The following ATG4A variants were observed in gnomAD, a reference collection of about 807,000 sequenced individuals.
ATG4A encodes cysteine protease ATG4A.
A neutral mutation model predicts 38.4 loss-of-function variants in ATG4A; 22 were observed. The ratio of observed to expected loss-of-function variants is 0.57; its 90% CI spans 0.41 to 0.82. The LOEUF is 0.82. ATG4A is among the 40% of genes least tolerant of loss of function. The pLI is 0.00. For missense variants in ATG4A, 220 were observed against 290.0 expected, an observed-to-expected ratio of 0.76 and a Z score of 1.75; for synonymous variants, 86 against 100.7, an observed-to-expected ratio of 0.85 and a Z score of 0.88.
intron 9 of ATG4A, among the ~76,000 whole-genome samples, chrX:108,145,529 C>T (rs888150924): frequency 8.0e-5 from 9 of 112,450 alleles, no homozygotes; most frequent in Non-Finnish European, 1.7e-4. Context: ...GTTAAGCTTA[C>T]AATAATCCAC....
intron 1 of ATG4A, among the ~76,000 whole-genome samples, chrX:108,124,754 C>G (rs776728885): frequency 8.9e-6 from 1 of 111,807 alleles, no homozygotes; most frequent in Non-Finnish European, 1.9e-5. Flanking sequence ...AGAACAGACT[C>G]ATTTTTTTTT....
At chrX:108,130,432 G>A (rs1184405836) in intron 3 of ATG4A, among the ~76,000 whole-genome samples, 1 of 112,305 alleles carries the variant, frequency 8.9e-6, no homozygotes, top group South Asian at 3.7e-4. Context: ...TTTGCATAAG[G>A]TGTTCTTAAA....
At chrX:108,091,687 A>G (rs2031626057), upstream of ATG4A, 1 of 938,791 alleles carries the variant, frequency 1.1e-6, no homozygotes, top group Admixed American at 2.3e-5. Context: ...GTTTGAGAGC[A>G]GTTCCGGGCA....
intron 1 of ATG4A, among the ~76,000 whole-genome samples, chrX:108,094,761 G>A (rs2031751464): frequency 8.9e-6 from 1 of 111,988 alleles, no homozygotes; most frequent in African/African-American, 3.2e-5. Flanking sequence ...GCATTATGTG[G>A]CAGGTTAATC....
intron 1 of ATG4A, among the ~76,000 whole-genome samples, chrX:108,094,929 T>C (rs1343872784): frequency 8.9e-6 from 1 of 112,435 alleles, no homozygotes; most frequent in Non-Finnish European, 1.9e-5. Context: ...CTTATGGAAA[T>C]AGATATCTTG....
chrX:108,149,073 A>G, intron 9 of ATG4A, among the ~76,000 whole-genome samples: 1 of 112,947 alleles, frequency 8.9e-6, no homozygotes. Context: ...TTGGTTTATG[A>G]CAGAAAAATG....
chrX:108,117,527 G>T (rs1198557644), intron 1 of ATG4A, among the ~76,000 whole-genome samples: 1 of 111,789 alleles, frequency 8.9e-6, no homozygotes, highest in East Asian at 2.8e-4. Flanking sequence ...TCCGTATCAT[G>T]TGTTTTATTT....
intron 9 of ATG4A, among the ~76,000 whole-genome samples, chrX:108,141,071 CATATATATATATATATATATATATATAT>C (rs139918190): frequency 2.3e-4 from 8 of 35,066 alleles, no homozygotes; most frequent in African/African-American, 3.8e-4. Context: ...TATATATATA[CATATATATATATATATATATATATATAT>C]ATATATATAT....
intron 1 of ATG4A, among the ~76,000 whole-genome samples, chrX:108,120,128 C>T (rs974347281): frequency 8.9e-6 from 1 of 112,156 alleles, no homozygotes; most frequent in African/African-American, 3.2e-5. Flanking sequence ...GAAAAAGGTG[C>T]CTCTAGTCTT....
At chrX:108,091,264 G>A, upstream of ATG4A, 25 of 520,327 alleles carry the variant, frequency 4.8e-5, no homozygotes, top group South Asian at 6.7e-4. Context: ...CGAGTCCCGA[G>A]GTGACCCAGG....
chrX:108,134,038 A>ATTT lies in ATG4A; in HGVS notation c.293-12_293-10dup. 1 of 1,115,567 alleles carries ATTT rather than the reference A, an allele frequency of 9.0e-7. No individual in the cohort carries two copies. The allele number at this position is 1,115,567 out of a possible 1,213,427, so 91.9% of individuals were successfully genotyped here. A position where few individuals can be genotyped will look rare whatever the true frequency, so the allele number is the denominator to read the frequency against. On this transcript the variant is annotated intron_variant, in intron 4 of 12. Transcript: ENST00000372232. Reference sequence around the variant, plus strand: ...ACAGTTATAAAAATGTTTCTAACCCATTTTTTTTTCTTAAAAAGACTGGAG... The same window carrying ATTT: ...ACAGTTATAAAAATGTTTCTAACCCATTTTTTTTTTTTCTTAAAAAGACTGGAG...
intron 3 of ATG4A, among the ~76,000 whole-genome samples, chrX:108,129,646 T>C (rs1307222997): frequency 9.5e-6 from 1 of 105,787 alleles, no homozygotes; most frequent in South Asian, 4.4e-4. Context: ...TCTCGGCTCA[T>C]TGCAAGCTCC....
Position 108,151,814 on chromosome X carries a change from AAAG to A in ATG4A, c.979_981del (p.Glu327del). 1 of 1,208,904 alleles carries A rather than the reference AAAG, an allele frequency of 8.3e-7. No homozygotes were observed. Among genetic ancestry groups the A allele is most frequent in the Non-Finnish European group, 1.1e-6 (1 of 893,280 alleles). On this transcript the variant is annotated inframe_deletion, in exon 11 of 13. Transcript: ENST00000372232. ...GCTTTCCCCCAAGGGATTTTTCTGC[AAAG>A]AAGAAAAAGACTTTGATAACTGGTG...
chrX:108,145,331 A>G (rs1668391447), intron 9 of ATG4A, among the ~76,000 whole-genome samples: 1 of 112,575 alleles, frequency 8.9e-6, no homozygotes, highest in South Asian at 3.6e-4. Flanking sequence ...CTGAGGTAGG[A>G]CAGTAAAGAT....
intron 1 of ATG4A, among the ~76,000 whole-genome samples, chrX:108,123,345 A>G (rs2032707974): frequency 8.9e-6 from 1 of 112,317 alleles, no homozygotes; most frequent in African/African-American, 3.2e-5. Flanking sequence ...AGGCAAGACA[A>G]AGGTAGTTTG....
intron 7 of ATG4A, 96 bp downstream of exon 7, chrX:108,137,266 TC>T: frequency 1.3e-6 from 1 of 778,979 alleles, no homozygotes; most frequent in South Asian, 2.7e-5. Flanking sequence ...TCTCTGGTCT[TC>T]CCCACCAGGG....
In ATG4A at chrX:108,128,777, A is replaced by G; in HGVS notation, c.122-4A>G. On this transcript the variant is annotated splice_polypyrimidine_tract_variant and splice_region_variant and intron_variant, in intron 2 of 12. Coordinates refer to ENST00000372232, the MANE Select transcript of ATG4A (RefSeq NM_052936.5). The stretch of plus-strand genomic sequence containing the variant: ...TTTAATTTTAATTTTACATTTAATT[A>G]CAGAAAAATCTAAGCTGTTGTCTGA... 8.7e-7 allele frequency: 1 copy of G among 1,155,113 alleles called. No homozygotes were observed. The highest frequency in any genetic ancestry group is 1.2e-6 in the Non-Finnish European group (1 of 862,176).
At chrX:108,118,833 T>C (rs188444759) in intron 1 of ATG4A, among the ~76,000 whole-genome samples, 1 of 112,388 alleles carries the variant, frequency 8.9e-6, no homozygotes, top group East Asian at 2.8e-4. Context: ...CTTTTGTGCA[T>C]TTTGACAGCA....
At chrX:108,089,804 G>A (rs1225640615), upstream of ATG4A, among the ~76,000 whole-genome samples, 1 of 111,595 alleles carries the variant, frequency 9.0e-6, no homozygotes, top group Non-Finnish European at 1.9e-5. Flanking sequence ...CTGCACTCCA[G>A]CCTGGGCAAC....
Sources: gnomAD v4.1 joint callset for allele counts (sites outside exome capture counted in the v4.1 genomes callset) on GRCh38, gnomAD v4.1.1 for gene constraint, MANE v1.5 for transcripts, NCBI Gene and HGNC (gene_info 2026-07-23, HGNC 2026-07-21) for gene names.